The following STPG4 variants were observed in gnomAD, a reference collection of about 807,000 sequenced individuals.
STPG4 encodes the protein sperm-tail PG-rich repeat containing 4.
Under a neutral mutation model 31.5 loss-of-function variants are expected in STPG4, and 41 were observed. That is an observed-to-expected ratio of 1.30 (90% CI 1.01 to 1.69). The LOEUF (loss-of-function observed/expected upper bound fraction) is 1.69. Ranked by LOEUF, STPG4 falls within the 40% of genes most tolerant of loss-of-function variation. The pLI, the probability that STPG4 is intolerant of heterozygous loss-of-function variation, is 0.00. For missense variants in STPG4, 375 were observed against 293.4 expected, an observed-to-expected ratio of 1.28 and a Z score of -2.03; for synonymous variants, 141 against 103.0, an observed-to-expected ratio of 1.37 and a Z score of -2.24.
At chr2:47,108,068 G>T (rs555212746) in intron 5 of STPG4, among the ~76,000 whole-genome samples, 55 of 151,770 alleles carry the variant, frequency 3.6e-4, no homozygotes, top group African/African-American at 1.2e-3. Flanking sequence ...TAGCTACTCT[G>T]GTGGGGCCTT....
chr2:47,095,899 A>G (rs1685660375), intron 5 of STPG4, among the ~76,000 whole-genome samples: 1 of 152,070 alleles, frequency 6.6e-6, no homozygotes, highest in Non-Finnish European at 1.5e-5. Flanking sequence ...TTTCTTCCCC[A>G]CGCTCCTTCC....
At chr2:47,122,125 A>T (rs1686284762) in intron 5 of STPG4, among the ~76,000 whole-genome samples, 1 of 151,996 alleles carries the variant, frequency 6.6e-6, no homozygotes, top group African/African-American at 2.4e-5. Context: ...AAGATTTTTC[A>T]CCTTGTAATC....
chr2:47,115,652 CTT>C (rs70940657), intron 5 of STPG4, among the ~76,000 whole-genome samples: 3 of 113,302 alleles, frequency 2.6e-5, no homozygotes, highest in Non-Finnish European at 3.4e-5. Context: ...ACATTAAAGG[CTT>C]TTTTTTTTTT....
intron 3 of STPG4, among the ~76,000 whole-genome samples, chr2:47,147,809 C>G (rs1249452572): frequency 6.6e-6 from 1 of 151,912 alleles, no homozygotes; most frequent in Non-Finnish European, 1.5e-5. Context: ...TACATATATT[C>G]TACAATGTGA....
chr2:47,113,267 C>T (rs1686077919), intron 5 of STPG4, among the ~76,000 whole-genome samples: 1 of 152,098 alleles, frequency 6.6e-6, no homozygotes, highest in Non-Finnish European at 1.5e-5. Flanking sequence ...TTTTAAACTT[C>T]TGTATAAATA....
Position 47,087,021 on chromosome 2 carries a change from C to G in STPG4, c.734G>C (p.Trp245Ser). The G allele has an allele frequency of 6.4e-7, 1 of 1,551,692 alleles. No individual in the cohort carries two copies. Among genetic ancestry groups the G allele is most frequent in the Admixed American group, 2.0e-5 (1 of 50,994 alleles). ...GCCAAGATCACTTTATTTTAAAAGC[C>G]AATTGTTGTTGTTGAAGAAAAGGCT... ...EHSLFFNNNN[W>S]LLK The change falls in exon 7 of 7, where the codon TGG becomes TCG. Residue 245 changes from tryptophan (W) to serine (S), a missense_variant. Physicochemically the swap from Trp to Ser is radical, Grantham distance 177. Transcript: ENST00000445927.
chr2:47,153,388 G>C (rs775818258), intron 1 of STPG4, among the ~76,000 whole-genome samples: 54 of 152,208 alleles, frequency 3.5e-4, no homozygotes, highest in Non-Finnish European at 6.8e-4. Context: ...GGTGCACTGG[G>C]TGAGTTACCC....
chr2:47,110,023 G>A (rs761383973), intron 5 of STPG4, among the ~76,000 whole-genome samples: 78 of 152,146 alleles, frequency 5.1e-4, no homozygotes, highest in Admixed American at 2.1e-3. Context: ...ATACAGAAAC[G>A]AAATATTTCT....
intron 5 of STPG4, among the ~76,000 whole-genome samples, chr2:47,118,224 A>G (rs1224297602): frequency 6.6e-6 from 1 of 152,148 alleles, no homozygotes; most frequent in Non-Finnish European, 1.5e-5. Context: ...TTGCTGCCTG[A>G]GCTCCAGCTC....
chr2:47,106,336 T>C (rs1573159213), intron 5 of STPG4, among the ~76,000 whole-genome samples: 1 of 151,904 alleles, frequency 6.6e-6, no homozygotes, highest in South Asian at 2.1e-4. Context: ...AAATCAGACC[T>C]TATCAGTACC....
intron 6 of STPG4, among the ~76,000 whole-genome samples, chr2:47,089,177 C>T (rs989072154): frequency 6.6e-6 from 1 of 152,216 alleles, no homozygotes; most frequent in Non-Finnish European, 1.5e-5. Flanking sequence ...CATGACTCAG[C>T]GTTCCTGAGA....
chr2:47,131,922 C>T (rs12466488), intron 3 of STPG4, among the ~76,000 whole-genome samples: 64,845 of 151,986 alleles, frequency 0.43, 15,034 homozygotes, highest in East Asian at 0.74. Context: ...CCCAACACTT[C>T]GGGAAGCCGA....
At chr2:47,115,652 C>CTTTTTTTTTTTTTTTTTTTTTT (rs70940657) in intron 5 of STPG4, among the ~76,000 whole-genome samples, 1 of 113,316 alleles carries the variant, frequency 8.8e-6, no homozygotes, top group Non-Finnish European at 1.7e-5. Context: ...ACATTAAAGG[C>CTTTTTTTTTTTTTTTTTTTTTT]TTTTTTTTTT....
intron 1 of STPG4, among the ~76,000 whole-genome samples, chr2:47,154,912 G>A: frequency 6.6e-6 from 1 of 152,132 alleles, no homozygotes; most frequent in East Asian, 1.9e-4. Context: ...GTGGGAAGAA[G>A]GGAAAAATAC....
intron 5 of STPG4, among the ~76,000 whole-genome samples, chr2:47,098,746 G>A (rs1685728339): frequency 7.8e-6 from 1 of 127,894 alleles, no homozygotes. Context: ...GTGACACACT[G>A]CTCAAAAGAG....
chr2:47,087,302 G>A (rs372042280), intron 6 of STPG4, among the ~76,000 whole-genome samples, 172 bp from the exon 7 acceptor site: 59 of 152,358 alleles, frequency 3.9e-4, no homozygotes, highest in African/African-American at 1.3e-3. Flanking sequence ...GCATGTCCTT[G>A]GAGCAGAGGC....
chr2:47,116,749 A>G (rs1686161162), intron 5 of STPG4, among the ~76,000 whole-genome samples: 1 of 152,156 alleles, frequency 6.6e-6, no homozygotes. Context: ...CTTGATCAAT[A>G]TTTTCCTCAT....
chr2:47,125,110 A>ATT (rs1686340537), intron 5 of STPG4, among the ~76,000 whole-genome samples: 2 of 152,118 alleles, frequency 1.3e-5, no homozygotes, highest in African/African-American at 4.8e-5. Flanking sequence ...CTATTTTTTA[A>ATT]ACAAATTATT....
chr2:47,155,289 G>T lies in STPG4; in HGVS notation c.-38C>A. 4 of 1,608,474 alleles carry T rather than the reference G, an allele frequency of 2.5e-6. No homozygotes were observed. Among genetic ancestry groups the T allele is most frequent in the Non-Finnish European group, 2.6e-6 (3 of 1,175,256 alleles). On this transcript the variant is annotated 5_prime_UTR_variant, in exon 1 of 7. Transcript: ENST00000445927. The stretch of plus-strand genomic sequence containing the variant: ...TCTCTCTAGGCTGAACCTGAGCTCC[G>T]GTTGCTAGGAGGCGGGTGTGGCCCG...
Sources: gnomAD v4.1 joint callset for allele counts (sites outside exome capture counted in the v4.1 genomes callset) on GRCh38, gnomAD v4.1.1 for gene constraint, MANE v1.5 for transcripts, NCBI Gene and HGNC (gene_info 2026-07-23, HGNC 2026-07-21) for gene names.